Variants in IRF8 observed in about 807,000 individuals in gnomAD.
The protein encoded by IRF8 is interferon consensus sequence binding protein 1.
IRF8 carries 14 observed loss-of-function variants against 48.7 expected under a neutral mutation model. The observed-to-expected ratio is 0.29, with a 90% CI of 0.19 to 0.45. The LOEUF (loss-of-function observed/expected upper bound fraction) is 0.45. IRF8 is among the 20% of genes least tolerant of loss of function. The pLI is 1.00. For synonymous variants in IRF8, 278 were observed against 227.3 expected (o/e 1.22, Z -2.01); for missense variants, 493 against 580.7 (o/e 0.85, Z 1.55).
At chr16:85,899,485 A>G (rs1904753138) in intron 1 of IRF8, among the ~76,000 whole-genome samples, 1 of 152,168 alleles carries the variant, frequency 6.6e-6, no homozygotes, top group Non-Finnish European at 1.5e-5. Flanking sequence ...ATTTTTCTTT[A>G]AATCTGGTTT....
chr16:85,917,089 TCCAAGGAGTTCTGAGTGC>T (rs1905334724), intron 6 of IRF8, among the ~76,000 whole-genome samples: 1 of 151,674 alleles, frequency 6.6e-6, no homozygotes, highest in Non-Finnish European at 1.5e-5. Flanking sequence ...AATGGGAGGG[TCCAAGGAGTTCTGAGTGC>T]CCAGCAGTGT....
chr16:85,903,270 C>G, intron 2 of IRF8, 81 bp downstream of exon 2: 1 of 1,304,470 alleles, frequency 7.7e-7, no homozygotes. Flanking sequence ...TGAGTGACAT[C>G]TTTCTCATTT....
intron 1 of IRF8, chr16:85,902,727 G>C: frequency 2.1e-6 from 1 of 465,504 alleles, no homozygotes; most frequent in South Asian, 2.1e-5. Flanking sequence ...GGAAAGGGCA[G>C]ATGAAAGCTG....
chr16:85,906,424 T>C (rs1166770230), intron 2 of IRF8, among the ~76,000 whole-genome samples: 1 of 152,126 alleles, frequency 6.6e-6, no homozygotes, highest in African/African-American at 2.4e-5. Flanking sequence ...TCAAGCTAAG[T>C]TGACCTTTTA....
chr16:85,918,949 C>T (rs1365092099), intron 7 of IRF8, 146 bp downstream of exon 7: 1 of 1,034,592 alleles, frequency 9.7e-7, no homozygotes, highest in Non-Finnish European at 1.4e-6. Context: ...GGAGGTGCTC[C>T]TTTGAATGGC....
chr16:85,918,051 A>G (rs9926411), intron 6 of IRF8, among the ~76,000 whole-genome samples: 21,139 of 152,164 alleles, frequency 0.14, 2,962 homozygotes, highest in East Asian at 0.32. Context: ...GGCAGTGCCT[A>G]TGAGACGGAG....
intron 1 of IRF8, among the ~76,000 whole-genome samples, chr16:85,900,036 C>T (rs531861921): frequency 1.3e-5 from 2 of 152,280 alleles, no homozygotes; most frequent in East Asian, 1.9e-4. Context: ...CAGTTCAAAG[C>T]TTGTCCTTTT....
chr16:85,916,320 G>C lies in IRF8; in HGVS notation c.601+1800G>C, dbSNP rs554531959. ...GGCTGGGACCGCACGTCAGGCAGGTGGGCTGCAGGGTCTGTGCTGCGGGTG... is the reference window on the plus strand; with the variant it reads ...GGCTGGGACCGCACGTCAGGCAGGTCGGCTGCAGGGTCTGTGCTGCGGGTG... On this transcript the variant is annotated intron_variant, in intron 6 of 8. Coordinates refer to ENST00000268638, the MANE Select transcript of IRF8 (RefSeq NM_002163.4). Among the ~76,000 whole-genome samples the C allele has an allele frequency of 1.5e-3, 230 of 152,358 alleles. 2 individuals are homozygous for C. Among genetic ancestry groups the C allele is most frequent in the African/African-American group, 5.3e-3 (221 of 41,588 alleles).
At chr16:85,904,246 G>A (rs1169725027) in intron 2 of IRF8, among the ~76,000 whole-genome samples, 1 of 152,190 alleles carries the variant, frequency 6.6e-6, no homozygotes, top group Non-Finnish European at 1.5e-5. Context: ...TGCATTTGGG[G>A]GCCAGAGATG....
intron 5 of IRF8, chr16:85,914,085 C>A: frequency 3.2e-6 from 1 of 309,824 alleles, no homozygotes; most frequent in Non-Finnish European, 6.3e-6. Flanking sequence ...TGCAGGAACA[C>A]CATCCGGAAA....
chr16:85,912,751 T>TC (rs1905183250), intron 4 of IRF8, among the ~76,000 whole-genome samples: 1 of 152,230 alleles, frequency 6.6e-6, no homozygotes, highest in African/African-American at 2.4e-5. Context: ...TGAGCGAGAT[T>TC]CTTGAAAGCA....
intron 6 of IRF8, among the ~76,000 whole-genome samples, chr16:85,914,920 G>A (rs1905255133): frequency 6.6e-6 from 1 of 152,166 alleles, no homozygotes; most frequent in African/African-American, 2.4e-5. Flanking sequence ...TTCTTGGACT[G>A]GACCAGCAAG....
chr16:85,920,239 CTTTTT>C lies in IRF8; in HGVS notation c.1104+36_1104+40del. ...TTCTCGTGCAGGTAAGTATGGGCAG[CTTTTT>C]TTTTTTTTTTTTTTTTTTTTGAGAT... On this transcript the variant is annotated intron_variant, in intron 8 of 8. Transcript: ENST00000268638. 3,071 of 483,022 alleles carry C rather than the reference CTTTTT, an allele frequency of 6.4e-3. No homozygotes were observed. The highest frequency in any genetic ancestry group is 0.012 in the East Asian group (222 of 17,834). 29.9% of individuals were successfully genotyped at this position (483,022 alleles called of 1,614,324 possible).
rs371872063 is a variant in IRF8 at position 85,919,603 on chromosome 16, A to C, written c.989-506A>C. Among the ~76,000 whole-genome samples the C allele has an allele frequency of 8.5e-5, 13 of 152,318 alleles. No individual in the cohort carries two copies. The South Asian group carries it at 2.5e-3, about 29-fold the overall frequency. ...GGCACAGAAGTGCGTCCTGCAATGT[A>C]CATTCCCGGGCCTACCTCACATCCT... On this transcript the variant is annotated intron_variant, in intron 7 of 8. Coordinates refer to ENST00000268638, the MANE Select transcript of IRF8 (RefSeq NM_002163.4).
In IRF8 at chr16:85,921,566, C is replaced by A; in HGVS notation, c.*284C>A. The A allele has an allele frequency of 2.3e-6, 1 of 440,110 alleles. No homozygotes were observed. Among genetic ancestry groups the A allele is most frequent in the Non-Finnish European group, 4.2e-6 (1 of 239,066 alleles). 27.3% of individuals were successfully genotyped at this position (440,110 alleles called of 1,614,324 possible). On this transcript the variant is annotated 3_prime_UTR_variant, in exon 9 of 9. Transcript: ENST00000268638. ...GTCATTATCATTAGTTGCTATGATT[C>A]TTTCTGCATTTTCGGTTAACTATCA...
At chr16:85,901,088 C>T (rs1904812624) in intron 1 of IRF8, 1 of 152,404 alleles carries the variant, frequency 6.6e-6, no homozygotes, top group Admixed American at 6.5e-5. Flanking sequence ...CAGGAAAGAG[C>T]TGCTAACTTG....
chr16:85,902,853 G>A, intron 1 of IRF8, 162 bp from the exon 2 acceptor site: 1 of 753,888 alleles, frequency 1.3e-6, no homozygotes, highest in Non-Finnish European at 2.3e-6. Flanking sequence ...GGCCAGCATT[G>A]CCTTCTCATG....
chr16:85,911,419 GAAAAAAATTCTGTGCCTTTCCC>G, intron 3 of IRF8, 129 bp from the exon 4 acceptor site: 1 of 696,558 alleles, frequency 1.4e-6, no homozygotes, highest in Non-Finnish European at 2.6e-6. Context: ...TGAAGCATGG[GAAAAAAATTCTGTGCCTTTCCC>G]AAACCAATGA....
chr16:85,902,590 G>T (rs1249668147), intron 1 of IRF8: 1 of 261,638 alleles, frequency 3.8e-6, no homozygotes, highest in Non-Finnish European at 7.5e-6. Flanking sequence ...GCATCTGGTA[G>T]CCCAGTTGGT....
Sources: allele counts gnomAD v4.1 joint callset (sites outside exome capture counted in the v4.1 genomes callset), GRCh38; gene constraint gnomAD v4.1.1; transcripts MANE v1.5; gene names NCBI Gene and HGNC (gene_info 2026-07-23, HGNC 2026-07-21).